The following SYNPO variants were observed in gnomAD, a reference collection of about 807,000 sequenced individuals.
The protein encoded by SYNPO is synaptopodin.
Under a neutral mutation model 49.5 loss-of-function variants are expected in SYNPO, and 19 were observed. The ratio of observed to expected loss-of-function variants is 0.38; its 90% confidence interval spans 0.27 to 0.56. SYNPO has a LOEUF of 0.56. SYNPO is among the 20% of genes least tolerant of loss of function. The pLI, the probability that SYNPO is intolerant of heterozygous loss-of-function variation, is 0.68. For missense variants in SYNPO, 1,131 were observed against 1,248.3 expected (o/e 0.91, Z 1.42); for synonymous variants, 536 against 548.0 (o/e 0.98, Z 0.31).
chr5:150,601,800 A>T (rs1269304272), intron 1 of SYNPO, among the ~76,000 whole-genome samples: 1 of 152,090 alleles, frequency 6.6e-6, no homozygotes, highest in Admixed American at 6.5e-5. Flanking sequence ...CCTTGTGACC[A>T]CCATCCTCCT....
chr5:150,648,049 G>A lies in SYNPO; in HGVS notation c.-227G>A, dbSNP rs1175307647. On this transcript the variant is annotated 5_prime_UTR_variant, in exon 2 of 3. The change creates a new upstream start codon in the 5' untranslated region. Transcript: ENST00000307662. This position sits in a 1 kb window ranked among gnomAD's most constrained non-coding sequence, Gnocchi z 5.0. ...ACCACCCCTCCCAGCTCCAATTCCCGTGGCGTCCAGCTCTTCAACAGGCGC... is the reference window on the plus strand; with the variant it reads ...ACCACCCCTCCCAGCTCCAATTCCCATGGCGTCCAGCTCTTCAACAGGCGC... The A allele has an allele frequency of 1.6e-5, 25 of 1,551,664 alleles. No individual in the cohort carries two copies. The highest frequency in any genetic ancestry group is 1.5e-4 in the East Asian group (6 of 41,026).
At chr5:150,629,476 A>G (rs1202190769) in intron 2 of SYNPO, among the ~76,000 whole-genome samples, 1 of 152,114 alleles carries the variant, frequency 6.6e-6, no homozygotes, top group African/African-American at 2.4e-5. Context: ...ATGGGCTAGT[A>G]AGGATCTGAG....
At chr5:150,611,910 A>G (rs2151353886) in intron 1 of SYNPO, among the ~76,000 whole-genome samples, 1 of 152,340 alleles carries the variant, frequency 6.6e-6, no homozygotes, top group African/African-American at 2.4e-5. Context: ...AGCTGGAGAA[A>G]CTGAGGCCTG....
At chr5:150,640,012 G>A, upstream of SYNPO, 1 of 501,980 alleles carries the variant, frequency 2.0e-6, no homozygotes, top group Non-Finnish European at 2.6e-6. Flanking sequence ...GTGTGACCTT[G>A]AGCAAGTTGC....
upstream of SYNPO, among the ~76,000 whole-genome samples, chr5:150,599,711 G>T (rs990221146): frequency 1.5e-4 from 23 of 152,198 alleles, no homozygotes; most frequent in African/African-American, 5.3e-4. Flanking sequence ...GTCGGCGGTG[G>T]GGGCTTGTCT....
the SYNPO span, among the ~76,000 whole-genome samples, chr5:150,590,302 C>T: frequency 2.0e-5 from 3 of 152,192 alleles, no homozygotes; most frequent in African/African-American, 7.2e-5. Context: ...TGGCTGGGAC[C>T]ATAGGCCCCT....
Position 150,649,530 on chromosome 5 carries a change from G to A in SYNPO, c.1255G>A (p.Glu419Lys). 2 of 1,611,172 alleles carry A rather than the reference G, an allele frequency of 1.2e-6. No individual in the cohort carries two copies. Among genetic ancestry groups the A allele is most frequent in the Non-Finnish European group, 1.7e-6 (2 of 1,178,854 alleles). The change falls in exon 2 of 3, where the codon GAG becomes AAG. Residue 419 changes from glutamate (E) to lysine (K), a missense_variant. By Grantham distance (56) the Glu-to-Lys change is moderately conservative. Transcript: ENST00000307662. ...RDQGEVGVEE[E>K]PFALGAEASN... ...CCAGGGGGAGGTAGGCGTGGAGGAG[G>A]AGCCCTTCGCACTGGGGGCCGAGGC...
chr5:150,597,627 C>A (rs1263327392), upstream of SYNPO, among the ~76,000 whole-genome samples: 1 of 152,098 alleles, frequency 6.6e-6, no homozygotes, highest in African/African-American at 2.4e-5. Context: ...AGCCACTGTG[C>A]CCAGCCAGGT....
chr5:150,645,386 T>A (rs753134761), intron 1 of SYNPO, among the ~76,000 whole-genome samples: 109 of 152,332 alleles, frequency 7.2e-4, no homozygotes, highest in Non-Finnish European at 1.3e-3. Flanking sequence ...TAGCCACTGA[T>A]GTTGCTGGTC....
intron 2 of SYNPO, chr5:150,653,431 T>G (rs1448306949): frequency 2.0e-5 from 3 of 152,232 alleles, no homozygotes; most frequent in Non-Finnish European, 4.4e-5. Flanking sequence ...GAAACAATGC[T>G]TTAGAGATTT....
intron 1 of SYNPO, chr5:150,617,622 T>A (rs888212560): frequency 6.6e-6 from 1 of 152,096 alleles, no homozygotes; most frequent in African/African-American, 2.4e-5. Flanking sequence ...TTGCACAATC[T>A]CCTCCAAGGG....
At chr5:150,608,247 A>G (rs1756748130) in intron 1 of SYNPO, among the ~76,000 whole-genome samples, 1 of 152,216 alleles carries the variant, frequency 6.6e-6, no homozygotes, top group Non-Finnish European at 1.5e-5. Context: ...TCAACCCAGG[A>G]GCTTGATGTC....
intron 2 of SYNPO, among the ~76,000 whole-genome samples, chr5:150,621,014 A>C (rs1327060458): frequency 7.4e-6 from 1 of 136,032 alleles, no homozygotes; most frequent in South Asian, 2.2e-4. Flanking sequence ...GTGCAGTGGC[A>C]TGATCTCGGC....
rs1300873556 is a variant in SYNPO, at chr5:150,657,446, A to T, written c.*359A>T. On this transcript the variant is annotated 3_prime_UTR_variant, in exon 3 of 3. Coordinates refer to ENST00000307662, the MANE Select transcript of SYNPO (RefSeq NM_007286.6). ...CTCTCTCTCTCTCACACACACACAC[A>T]CACACACACACACACACACACACAC... 2,734 of 213,040 alleles carry T rather than the reference A, an allele frequency of 0.013. 74 individuals carry two copies. Among genetic ancestry groups the T allele is most frequent in the African/African-American group, 0.058 (2,426 of 41,574 alleles). The allele number at this position is 213,040 out of a possible 1,614,324, so 13.2% of individuals were successfully genotyped here.
chr5:150,644,228 G>A (rs1293281214), intron 1 of SYNPO, among the ~76,000 whole-genome samples: 2 of 151,998 alleles, frequency 1.3e-5, no homozygotes, highest in Admixed American at 6.6e-5. Flanking sequence ...TTCTAGCTGA[G>A]GAATGTTAAT....
At chr5:150,613,205 T>C (rs1756897202) in intron 1 of SYNPO, among the ~76,000 whole-genome samples, 2 of 152,202 alleles carry the variant, frequency 1.3e-5, no homozygotes, top group Admixed American at 6.5e-5. Flanking sequence ...CTGGCCATGT[T>C]GCCTCCAACC....
chr5:150,631,993 G>A (rs1337374274), intron 2 of SYNPO, among the ~76,000 whole-genome samples: 2 of 152,188 alleles, frequency 1.3e-5, no homozygotes, highest in African/African-American at 4.8e-5. Context: ...TCCACTGCCT[G>A]TAACGGCTGC....
intron 2 of SYNPO, among the ~76,000 whole-genome samples, chr5:150,625,315 CCCA>C (rs146420454): frequency 0.049 from 7,431 of 152,320 alleles, 563 homozygotes; most frequent in African/African-American, 0.17. Flanking sequence ...CCCAGGATAA[CCCA>C]GGCGGGTTGG....
At chr5:150,623,760 T>A (rs563198234) in intron 2 of SYNPO, among the ~76,000 whole-genome samples, 1 of 152,236 alleles carries the variant, frequency 6.6e-6, no homozygotes, top group Non-Finnish European at 1.5e-5. Flanking sequence ...ATTCCTAACT[T>A]CCTTTAGCAG....
Sources: allele counts gnomAD v4.1 joint callset (sites outside exome capture counted in the v4.1 genomes callset), GRCh38; gene constraint gnomAD v4.1.1; non-coding constraint Gnocchi (gnomAD v3.1); transcripts MANE v1.5; gene names NCBI Gene and HGNC (gene_info 2026-07-23, HGNC 2026-07-21).